Variants in TMEM272 observed in about 807,000 individuals in gnomAD.
The protein encoded by TMEM272 is transmembrane protein 272, also known as long intergenic non-protein coding RNA 282.
TMEM272 carries 8 observed loss-of-function variants against 3.7 expected under a neutral mutation model. The observed-to-expected ratio is 2.17, with a 90% CI of 1.27 to 3.91. The LOEUF (loss-of-function observed/expected upper bound fraction) is 3.91, where lower values mean the gene tolerates loss of function less well. TMEM272 is among the 30% of genes most tolerant of loss of function. The pLI, the probability that TMEM272 is intolerant of heterozygous loss-of-function variation, is 0.00. For synonymous variants in TMEM272, 63 were observed against 39.8 expected (o/e 1.58, Z -2.20); for missense variants, 166 against 91.5 (o/e 1.81, Z -3.32).
chr13:51,825,556 T>G (rs1406981893), intron 3 of TMEM272, among the ~76,000 whole-genome samples: 1 of 152,106 alleles, frequency 6.6e-6, no homozygotes, highest in Non-Finnish European at 1.5e-5. Context: ...TCCTATGCTC[T>G]TTTACTTTCT....
At chr13:51,838,648 A>G (rs1164559954) in intron 1 of TMEM272, 95 bp from the exon 2 acceptor site, 1 of 694,540 alleles carries the variant, frequency 1.4e-6, no homozygotes, top group East Asian at 2.7e-5. Flanking sequence ...GGTGGCCTGC[A>G]GGGTGGTCTC....
At chr13:51,913,209 C>G in the TMEM272 span, among the ~76,000 whole-genome samples, 1 of 152,158 alleles carries the variant, frequency 6.6e-6, no homozygotes, top group African/African-American at 2.4e-5. Context: ...TCCCTTTCCC[C>G]CAAATGGCAG....
chr13:51,903,941 A>ATGTGTGTGTGTG, the TMEM272 span, among the ~76,000 whole-genome samples: 1 of 9,146 alleles, frequency 1.1e-4, no homozygotes, highest in Non-Finnish European at 3.2e-4. Context: ...ACAGTCTTCC[A>ATGTGTGTGTGTG]CGTGTGTGTG....
chr13:51,918,475 G>A, the TMEM272 span, among the ~76,000 whole-genome samples: 14 of 152,246 alleles, frequency 9.2e-5, no homozygotes, highest in Admixed American at 8.5e-4. Context: ...AGAAAAGGAG[G>A]AATAGAAGAA....
At position 51,815,618 on chromosome 13, in the gene TMEM272, T is replaced by G. The variant is rs2092627713; in HGVS notation, c.*1133A>C. The G allele has an allele frequency of 6.6e-6, 1 of 152,202 alleles. No individual in the cohort carries two copies. Among genetic ancestry groups the G allele is most frequent in the Admixed American group, 6.5e-5 (1 of 15,284 alleles). 9.4% of individuals were successfully genotyped at this position (152,202 alleles called of 1,614,324 possible). Reference sequence around the variant, plus strand: ...GCTGAGAGAAGCACGGTTAAGCAGGTGCCACGCACCCCTGGGCACTGCCCT... The same window carrying G: ...GCTGAGAGAAGCACGGTTAAGCAGGGGCCACGCACCCCTGGGCACTGCCCT... On this transcript the variant is annotated 3_prime_UTR_variant, in exon 5 of 5. Coordinates refer to ENST00000629372, the MANE Select transcript of TMEM272 (RefSeq NM_001351003.2).
the TMEM272 span, chr13:51,932,585 T>G: frequency 2.6e-5 from 4 of 152,150 alleles, no homozygotes; most frequent in Non-Finnish European, 4.4e-5. Context: ...TAAAAAGACA[T>G]GAAGCCAAGC....
the TMEM272 span, among the ~76,000 whole-genome samples, chr13:51,931,112 G>C: frequency 2.0e-5 from 3 of 152,146 alleles, no homozygotes; most frequent in African/African-American, 7.2e-5. Context: ...TCAAGTTTTA[G>C]AAAGTATCCA....
At chr13:51,907,938 C>T in the TMEM272 span, among the ~76,000 whole-genome samples, 1 of 152,148 alleles carries the variant, frequency 6.6e-6, no homozygotes, top group Non-Finnish European at 1.5e-5. Flanking sequence ...AACCTCACCA[C>T]CTGCAAGATT....
At chr13:51,872,807 A>C in the TMEM272 span, among the ~76,000 whole-genome samples, 8 of 152,394 alleles carry the variant, frequency 5.2e-5, no homozygotes, top group South Asian at 8.3e-4. Flanking sequence ...CATTAATGTC[A>C]AAATTCTGAG....
At chr13:51,893,603 C>T in the TMEM272 span, among the ~76,000 whole-genome samples, 3 of 152,058 alleles carry the variant, frequency 2.0e-5, no homozygotes, top group Non-Finnish European at 4.4e-5. Context: ...CCCTGGCTCA[C>T]ACCGTATGCG....
rs1187675932 is a variant in TMEM272 at position 51,817,002 on chromosome 13, A to G, written c.313T>C (p.Tyr105His). Residue 105 changes from tyrosine to histidine, a missense_variant, in exon 5 of 5, where the codon TAC becomes CAC. Tyr to His is a moderately conservative substitution (Grantham distance 83). Coordinates refer to ENST00000629372, the MANE Select transcript of TMEM272 (RefSeq NM_001351003.2). ...AGGCTCAGCAGGAGGTGGATGTAGTATCTGTGCGCATTCTGCCTCCAGGGG... is the reference window on the plus strand; with the variant it reads ...AGGCTCAGCAGGAGGTGGATGTAGTGTCTGTGCGCATTCTGCCTCCAGGGG... ...EYPWRQNAHR[Y>H]YIHLLLSLFL... is the part of the protein sequence containing the mutation. The G allele has an allele frequency of 2.8e-6, 2 of 702,884 alleles. No homozygotes were observed. Among genetic ancestry groups the G allele is most frequent in the African/African-American group, 3.5e-5 (2 of 57,242 alleles). 43.5% of individuals were successfully genotyped at this position (702,884 alleles called of 1,614,324 possible).
the TMEM272 span, chr13:51,932,382 A>C: frequency 6.6e-6 from 1 of 152,250 alleles, no homozygotes; most frequent in African/African-American, 2.4e-5. Flanking sequence ...ACGATGCGGT[A>C]ATTTAAGCCT....
the TMEM272 span, among the ~76,000 whole-genome samples, chr13:51,851,381 A>G: frequency 4.6e-5 from 5 of 109,010 alleles, no homozygotes; most frequent in East Asian, 1.1e-3. Flanking sequence ...GAAGAGGAAG[A>G]GGAGGAGGAG....
At chr13:51,857,283 C>T in the TMEM272 span, among the ~76,000 whole-genome samples, 1 of 148,954 alleles carries the variant, frequency 6.7e-6, no homozygotes, top group East Asian at 2.0e-4. Context: ...AACAAATAAA[C>T]AGTGAGAGAT....
At chr13:51,864,817 T>C in the TMEM272 span, among the ~76,000 whole-genome samples, 1 of 152,160 alleles carries the variant, frequency 6.6e-6, no homozygotes, top group Non-Finnish European at 1.5e-5. Flanking sequence ...TTCACCATCG[T>C]CTCTCACCTT....
At chr13:51,824,490 A>G (rs1341062474) in intron 3 of TMEM272, among the ~76,000 whole-genome samples, 1 of 152,166 alleles carries the variant, frequency 6.6e-6, no homozygotes, top group Non-Finnish European at 1.5e-5. Context: ...CATCACCCCA[A>G]ACACAAACTC....
intron 2 of TMEM272, among the ~76,000 whole-genome samples, chr13:51,828,536 A>T (rs1205026412): frequency 6.6e-6 from 1 of 151,950 alleles, no homozygotes; most frequent in Non-Finnish European, 1.5e-5. Context: ...ATTTGCCCCA[A>T]TTTCCACTCC....
chr13:51,856,220 T>C, the TMEM272 span, among the ~76,000 whole-genome samples: 2 of 152,158 alleles, frequency 1.3e-5, no homozygotes, highest in African/African-American at 2.4e-5. Context: ...CAGGATCAGT[T>C]GATTGCCAGG....
At chr13:51,845,814 A>G (rs983797403), upstream of TMEM272, among the ~76,000 whole-genome samples, 2 of 152,224 alleles carry the variant, frequency 1.3e-5, no homozygotes, top group African/African-American at 4.8e-5. Context: ...CCACCTCCCA[A>G]AGATTCTCAA....
Sources: gnomAD v4.1 joint callset for allele counts (sites outside exome capture counted in the v4.1 genomes callset) on GRCh38, gnomAD v4.1.1 for gene constraint, MANE v1.5 for transcripts, NCBI Gene and HGNC (gene_info 2026-07-23, HGNC 2026-07-21) for gene names.